The following CFAP61 variants were observed in gnomAD, a reference collection of about 807,000 sequenced individuals.
CFAP61 encodes cilia- and flagella-associated protein 61.
Under a neutral mutation model 135.6 loss-of-function variants are expected in CFAP61, and 107 were observed. The ratio of observed to expected loss-of-function variants is 0.79; its 90% CI spans 0.67 to 0.93. The LOEUF is 0.93. Ranked by LOEUF, CFAP61 falls within the 40% of genes least tolerant of loss-of-function variation. The pLI is 0.00. For synonymous variants in CFAP61, 575 were observed against 578.5 expected, an observed-to-expected ratio of 0.99 and a Z score of 0.09; for missense variants, 1,507 against 1,556.2, an observed-to-expected ratio of 0.97 and a Z score of 0.53.
chr20:20,256,035 C>G (rs1434294129), intron 20 of CFAP61, among the ~76,000 whole-genome samples: 2 of 152,176 alleles, frequency 1.3e-5, no homozygotes, highest in African/African-American at 4.8e-5. Context: ...TAGGTGAGCT[C>G]TCTGCCTCCC....
At chr20:20,317,748 A>G (rs6075643) in intron 25 of CFAP61, among the ~76,000 whole-genome samples, 129,849 of 152,136 alleles carry the variant, frequency 0.85, 55,684 homozygotes, top group East Asian at 0.98. Context: ...GCAGAATAGA[A>G]CCCAGCGCAG....
chr20:20,164,280 T>C (rs1305486678), intron 11 of CFAP61, 52 bp downstream of exon 11: 2 of 1,534,734 alleles, frequency 1.3e-6, no homozygotes, highest in Non-Finnish European at 8.8e-7. Context: ...TTTCTGGCAT[T>C]GGTGGCCCAA....
In CFAP61 at chr20:20,228,107, A is replaced by G. The variant is rs1054309532; in HGVS notation, c.1933-142A>G. 3 of 580,960 alleles carry G rather than the reference A, an allele frequency of 5.2e-6. No homozygotes were observed. In the African/African-American group the frequency reaches 5.5e-5, roughly 11 times the overall value. 36.0% of individuals were successfully genotyped at this position (580,960 alleles called of 1,614,324 possible). The stretch of plus-strand genomic sequence containing the variant: ...TTAAAAACATCTTCCCATGCATTTT[A>G]TGGTGGCTGTACATGGGCACTATTA... On this transcript the variant is annotated intron_variant, in intron 17 of 26. Transcript: ENST00000245957.
At chr20:20,103,790 A>G (rs138609726) in intron 8 of CFAP61, among the ~76,000 whole-genome samples, 8 of 152,354 alleles carry the variant, frequency 5.3e-5, no homozygotes, top group African/African-American at 1.7e-4. Flanking sequence ...CCCAATAAAT[A>G]TTTTGGAATC....
At chr20:20,269,269 T>C (rs1312331874) in intron 21 of CFAP61, among the ~76,000 whole-genome samples, 4 of 148,196 alleles carry the variant, frequency 2.7e-5, no homozygotes, top group Non-Finnish European at 5.9e-5. Flanking sequence ...ACATATATAT[T>C]TCATTAAAAT....
At chr20:20,175,854 T>C (rs1383316321) in intron 13 of CFAP61, among the ~76,000 whole-genome samples, 2 of 152,050 alleles carry the variant, frequency 1.3e-5, no homozygotes, top group Admixed American at 1.3e-4. Context: ...TTTTAATGGG[T>C]ACGTCATCTG....
chr20:20,344,967 AG>A (rs1245817779), intron 26 of CFAP61, among the ~76,000 whole-genome samples: 5 of 152,248 alleles, frequency 3.3e-5, no homozygotes, highest in South Asian at 4.1e-4. Context: ...ATGGAACTAG[AG>A]GACATTATGT....
At chr20:20,322,357 A>G (rs1569296089) in intron 25 of CFAP61, among the ~76,000 whole-genome samples, 2 of 152,178 alleles carry the variant, frequency 1.3e-5, no homozygotes, top group African/African-American at 2.4e-5. Context: ...TGAAGTCCCA[A>G]CATGACTGTT....
intron 25 of CFAP61, chr20:20,323,428 A>T (rs1299586724): frequency 7.0e-6 from 3 of 427,416 alleles, no homozygotes; most frequent in African/African-American, 6.5e-5. Context: ...AAAAAAGAGA[A>T]TTCTCTTCCC....
At chr20:20,273,035 T>C (rs1403968576) in intron 21 of CFAP61, among the ~76,000 whole-genome samples, 1 of 147,370 alleles carries the variant, frequency 6.8e-6, no homozygotes, top group East Asian at 2.0e-4. Context: ...GTGCGTGCCA[T>C]GCTTAATTTT....
chr20:20,171,000 A>C (rs993710120), intron 13 of CFAP61, among the ~76,000 whole-genome samples: 1 of 152,218 alleles, frequency 6.6e-6, no homozygotes, highest in African/African-American at 2.4e-5. Flanking sequence ...CTCATTTCAC[A>C]GGTAAGAAAA....
intron 9 of CFAP61, among the ~76,000 whole-genome samples, chr20:20,146,975 C>A (rs1024846420): frequency 1.3e-5 from 2 of 152,180 alleles, no homozygotes; most frequent in Non-Finnish European, 2.9e-5. Flanking sequence ...GCTTATCTCC[C>A]ACTTATGAAT....
At chr20:20,170,041 C>G (rs1223504291) in intron 13 of CFAP61, among the ~76,000 whole-genome samples, 4 of 152,218 alleles carry the variant, frequency 2.6e-5, no homozygotes, top group South Asian at 2.1e-4. Flanking sequence ...TGGTCCCTGC[C>G]TTTTCAAGGC....
chr20:20,103,472 T>G (rs1425838814), intron 8 of CFAP61, among the ~76,000 whole-genome samples: 1 of 152,146 alleles, frequency 6.6e-6, no homozygotes, highest in Admixed American at 6.5e-5. Context: ...TTTTATTTAA[T>G]GGAGGACCTA....
intron 21 of CFAP61, among the ~76,000 whole-genome samples, chr20:20,274,161 G>A (rs2053567656): frequency 6.6e-6 from 1 of 152,068 alleles, no homozygotes; most frequent in African/African-American, 2.4e-5. Flanking sequence ...AGTTCTAAAT[G>A]CTATTGTTAT....
intron 19 of CFAP61, among the ~76,000 whole-genome samples, chr20:20,249,167 A>G (rs1015492793): frequency 2.0e-5 from 3 of 152,214 alleles, no homozygotes; most frequent in Non-Finnish European, 4.4e-5. Flanking sequence ...TCTTCGATAT[A>G]TAGTTTCACT....
chr20:20,353,699 C>G (rs751200551), intron 26 of CFAP61, among the ~76,000 whole-genome samples: 2 of 152,042 alleles, frequency 1.3e-5, no homozygotes, highest in South Asian at 2.1e-4. Flanking sequence ...CAGGAAGCTA[C>G]GAGGACTTAC....
rs867444551 is a variant in CFAP61, at chr20:20,076,352, A to G, written c.566+737A>G. On this transcript the variant is annotated intron_variant, in intron 6 of 26. Coordinates refer to ENST00000245957, the MANE Select transcript of CFAP61 (RefSeq NM_015585.4). ...GGAGAAGCCACATGTTCGCAAGGGG[A>G]GGGGTGGTTGACAGCCCCAGCTGGG... Among the ~76,000 whole-genome samples, 6 of 152,264 alleles carry G rather than the reference A, an allele frequency of 3.9e-5. No individual in the cohort carries two copies. In the Middle Eastern group the frequency reaches 0.01, roughly 259 times the overall value.
chr20:20,271,344 A>G (rs2053329184), intron 21 of CFAP61, among the ~76,000 whole-genome samples: 1 of 152,202 alleles, frequency 6.6e-6, no homozygotes, highest in South Asian at 2.1e-4. Context: ...TTCTACCAAC[A>G]TTTTAATTGG....
Sources: allele counts gnomAD v4.1 joint callset (sites outside exome capture counted in the v4.1 genomes callset), GRCh38; gene constraint gnomAD v4.1.1; transcripts MANE v1.5; gene names NCBI Gene and HGNC (gene_info 2026-07-23, HGNC 2026-07-21).